SPIRE2: variants seen among roughly 807,000 people sequenced by gnomAD.
The protein encoded by SPIRE2 is spire type actin nucleation factor 2.
Under a neutral mutation model 80.7 loss-of-function variants are expected in SPIRE2, and 76 were observed. That is an observed-to-expected ratio of 0.94 (90% CI 0.78 to 1.14). The LOEUF is 1.14. Ranked by LOEUF, SPIRE2 falls within the 50% of genes most tolerant of loss-of-function variation. The pLI is 0.00. For missense variants in SPIRE2, 1,196 were observed against 1,015.3 expected, an observed-to-expected ratio of 1.18 and a Z score of -2.42; for synonymous variants, 535 against 432.6, an observed-to-expected ratio of 1.24 and a Z score of -2.94.
intron 1 of SPIRE2, among the ~76,000 whole-genome samples, chr16:89,841,764 C>A (rs1304711546): frequency 6.6e-6 from 1 of 151,904 alleles, no homozygotes; most frequent in African/African-American, 2.4e-5. Context: ...GTGGCACGAT[C>A]TCGGCTCACC....
chr16:89,841,951 C>T (rs1007469925), intron 1 of SPIRE2, among the ~76,000 whole-genome samples: 2 of 152,038 alleles, frequency 1.3e-5, no homozygotes, highest in African/African-American at 4.8e-5. Flanking sequence ...TGGTCTCCAA[C>T]TCCTGACCTC....
intron 1 of SPIRE2, among the ~76,000 whole-genome samples, chr16:89,833,950 G>A (rs2041413508): frequency 6.6e-6 from 1 of 152,156 alleles, no homozygotes; most frequent in Admixed American, 6.6e-5. Context: ...TGAGCTGGGT[G>A]TGTCTCTGTG....
chr16:89,869,984 A>G, intron 14 of SPIRE2, 66 bp from the exon 15 acceptor site: 1 of 1,417,534 alleles, frequency 7.1e-7, no homozygotes, highest in Non-Finnish European at 9.7e-7. Flanking sequence ...TGGCATGCAC[A>G]AGCAGGGAGG....
At chr16:89,869,053 A>AAAAAAAATATATATATATATAT in intron 13 of SPIRE2, among the ~76,000 whole-genome samples, 1 of 24,030 alleles carries the variant, frequency 4.2e-5, no homozygotes, top group Non-Finnish European at 7.5e-5. Context: ...AAAAAAAAAA[A>AAAAAAAATATATATATATATAT]ATATATATAT....
intron 1 of SPIRE2, chr16:89,836,268 C>A (rs2041448367): frequency 2.2e-6 from 1 of 455,974 alleles, no homozygotes; most frequent in East Asian, 6.9e-5. Context: ...AGCACCTGGA[C>A]CCTCAACTGC....
intron 1 of SPIRE2, among the ~76,000 whole-genome samples, chr16:89,832,193 C>T (rs1279743321): frequency 1.3e-5 from 2 of 152,232 alleles, no homozygotes; most frequent in Admixed American, 6.5e-5. Flanking sequence ...TTTTCACCCA[C>T]GGAAGCCCGT....
intron 10 of SPIRE2, chr16:89,862,961 C>T (rs2143825221): frequency 1.2e-5 from 2 of 163,902 alleles, no homozygotes; most frequent in South Asian, 2.9e-4. Context: ...AGTTCTATGC[C>T]AAGCACAGGG....
intron 1 of SPIRE2, among the ~76,000 whole-genome samples, chr16:89,832,616 C>G (rs2041396734): frequency 6.6e-6 from 1 of 152,112 alleles, no homozygotes. Flanking sequence ...CCTGCCCTCA[C>G]TGTCCCTGGG....
chr16:89,829,932 C>T (rs1199895190), intron 1 of SPIRE2, among the ~76,000 whole-genome samples: 1 of 151,292 alleles, frequency 6.6e-6, no homozygotes, highest in Non-Finnish European at 1.5e-5. Flanking sequence ...GCATGGGGCC[C>T]AGGAGGCTGC....
chr16:89,860,599 A>G (rs2041734199), intron 9 of SPIRE2, 84 bp from the exon 10 acceptor site: 4 of 937,784 alleles, frequency 4.3e-6, no homozygotes, highest in South Asian at 2.9e-5. Flanking sequence ...GGAGCCCTCC[A>G]CCATCTCTAT....
At position 89,836,777 on chromosome 16, in the gene SPIRE2, C is replaced by T. The variant is rs112898198; in HGVS notation, c.244+7983C>T. 4.7e-5 allele frequency among the ~76,000 whole-genome samples: 7 copies of T among 148,548 alleles called. 1 individual carries two copies. In the South Asian group the frequency reaches 8.5e-4, roughly 18 times the overall value. Reference sequence around the variant, plus strand: ...GGCGGATCACCTGAGGTCGGGAGTTCGAGACCAGCCTGACCAACATGGAGA... The same window carrying T: ...GGCGGATCACCTGAGGTCGGGAGTTTGAGACCAGCCTGACCAACATGGAGA... On this transcript the variant is annotated intron_variant, in intron 1 of 14. Coordinates refer to ENST00000378247, the MANE Select transcript of SPIRE2 (RefSeq NM_032451.2).
chr16:89,859,148 G>A lies in SPIRE2; in HGVS notation c.1273-17G>A, dbSNP rs7200842. 861,595 of 1,539,190 alleles carry A rather than the reference G, an allele frequency of 0.56. 245,299 individuals are homozygous for A. Among genetic ancestry groups the A allele is most frequent in the East Asian group, 0.81 (33,292 of 41,012 alleles). ...GCGGGCATTGTCAGGGCAGGGCCGCGTCTGGTGTGTCCACAGGAAGAAGAG... is the reference window on the plus strand; with the variant it reads ...GCGGGCATTGTCAGGGCAGGGCCGCATCTGGTGTGTCCACAGGAAGAAGAG... On this transcript the variant is annotated splice_polypyrimidine_tract_variant and intron_variant, in intron 8 of 14. Transcript: ENST00000378247.
rs1381551939 is a variant in SPIRE2, at chr16:89,855,693, C to T, written c.978+7C>T. 1 of 1,612,484 alleles carries T rather than the reference C, an allele frequency of 6.2e-7. No individual in the cohort carries two copies. Among genetic ancestry groups the T allele is most frequent in the Non-Finnish European group, 8.5e-7 (1 of 1,179,744 alleles). On this transcript the variant is annotated splice_region_variant and intron_variant, in intron 6 of 14. Transcript: ENST00000378247. ...ACGGCCTCCACTGAAGCAGGTGCTG[C>T]CCCAGCCTCCTCCTCCTCAGGGGCC...
intron 10 of SPIRE2, among the ~76,000 whole-genome samples, chr16:89,861,307 G>A (rs889920658): frequency 2.0e-5 from 3 of 152,228 alleles, no homozygotes; most frequent in African/African-American, 4.8e-5. Context: ...TGTGCGGCCC[G>A]TGGGCCACGG....
chr16:89,849,031 G>A (rs181815229), intron 2 of SPIRE2, among the ~76,000 whole-genome samples: 8 of 152,372 alleles, frequency 5.3e-5, no homozygotes, highest in East Asian at 1.9e-4. Context: ...CAGGACAGAC[G>A]AGGCTGTGTT....
Position 89,870,533 on chromosome 16 carries a change from CA to C in SPIRE2, c.*262del. 1 of 410,956 alleles carries C rather than the reference CA, an allele frequency of 2.4e-6. No individual in the cohort carries two copies. The highest frequency in any genetic ancestry group is 4.4e-6 in the Non-Finnish European group (1 of 225,666). 25.5% of individuals were successfully genotyped at this position (410,956 alleles called of 1,614,324 possible). A position where few individuals can be genotyped will look rare whatever the true frequency, so the allele number is the denominator to read the frequency against. On this transcript the variant is annotated 3_prime_UTR_variant, in exon 15 of 15. Coordinates refer to ENST00000378247, the MANE Select transcript of SPIRE2 (RefSeq NM_032451.2). ...GGGGAGGGAACAGGGTGGGTTTTCT[CA>C]CTGAAGAGAGAAAGCAGAAGGTTCT...
chr16:89,868,206 G>A lies in SPIRE2; in HGVS notation c.1796G>A (p.Cys599Tyr), dbSNP rs2041806702. 1 of 1,614,078 alleles carries A rather than the reference G, an allele frequency of 6.2e-7. No homozygotes were observed. Among genetic ancestry groups the A allele is most frequent in the Non-Finnish European group, 8.5e-7 (1 of 1,179,990 alleles). The change falls in exon 13 of 15, where the codon TGT becomes TAT. Residue 599 changes from cysteine to tyrosine, a missense_variant. Transcript: ENST00000378247. ...LFCKRAVCTS[C>Y]SIKMKMPSKK... ...CCTTCCAGAGCCGTCTGCACTTCCT[G>A]TAGCATAAAGGTGAGGACCATGTGG...
chr16:89,845,401 G>A, intron 2 of SPIRE2, 36 bp downstream of exon 2: 1 of 1,530,736 alleles, frequency 6.5e-7, no homozygotes. Context: ...TACTTGATGT[G>A]TGTTAAAACG....
chr16:89,850,188 G>A (rs1156650127), intron 2 of SPIRE2, 116 bp from the exon 3 acceptor site: 2 of 860,510 alleles, frequency 2.3e-6, no homozygotes, highest in East Asian at 5.3e-5. Context: ...GGTCTCTTGT[G>A]GACCGACAGC....
Sources: allele counts gnomAD v4.1 joint callset (sites outside exome capture counted in the v4.1 genomes callset), GRCh38; gene constraint gnomAD v4.1.1; transcripts MANE v1.5; gene names NCBI Gene and HGNC (gene_info 2026-07-23, HGNC 2026-07-21).